The following RNF13 variants were observed in gnomAD, a reference collection of about 807,000 sequenced individuals.
The protein encoded by RNF13 is ring finger protein 13.
In RNF13, 19 loss-of-function variants were observed where a neutral mutation model predicts 37.7. That is an observed-to-expected ratio of 0.50 (90% confidence interval 0.35 to 0.74). The LOEUF (loss-of-function observed/expected upper bound fraction) is 0.74. Among genes scored for constraint, RNF13 ranks in the 30% least tolerant of loss-of-function variants. The pLI is 0.01. For synonymous variants in RNF13, 144 were observed against 157.8 expected (o/e 0.91, Z 0.65); for missense variants, 375 against 453.0 (o/e 0.83, Z 1.56).
chr3:149,913,536 A>G (rs1277956664), intron 7 of RNF13, among the ~76,000 whole-genome samples: 1 of 152,180 alleles, frequency 6.6e-6, no homozygotes, highest in East Asian at 1.9e-4. Context: ...CAGGTTTTTC[A>G]TTAATGTACT....
At chr3:149,925,104 G>C (rs150191536) in intron 8 of RNF13, among the ~76,000 whole-genome samples, 1 of 152,110 alleles carries the variant, frequency 6.6e-6, no homozygotes, top group Non-Finnish European at 1.5e-5. Flanking sequence ...AAGAACAGAG[G>C]TATAAAATAC....
intron 8 of RNF13, among the ~76,000 whole-genome samples, chr3:149,925,418 A>G (rs1409211469): frequency 6.6e-6 from 1 of 152,138 alleles, no homozygotes; most frequent in Admixed American, 6.5e-5. Flanking sequence ...GTTTATGATA[A>G]TTTCACTGCC....
At chr3:149,849,328 T>C (rs988873024) in intron 2 of RNF13, among the ~76,000 whole-genome samples, 16 of 152,206 alleles carry the variant, frequency 1.1e-4, no homozygotes, top group African/African-American at 3.9e-4. Flanking sequence ...TTGATTCTTT[T>C]GTCTGGATTT....
chr3:149,935,474 C>T lies in RNF13; in HGVS notation c.700+14247C>T, dbSNP rs557565122. ...CTTTCTTTTCTTTCTTTCTCTTTCA[C>T]CTTTCTTTATGATTGTGCAAATTTC... On this transcript the variant is annotated intron_variant, in intron 8 of 9. Coordinates refer to ENST00000392894, the MANE Select transcript of RNF13 (RefSeq NM_183381.3). Among the ~76,000 whole-genome samples the T allele has an allele frequency of 3.3e-5, 5 of 152,052 alleles. No homozygotes were observed. The South Asian group carries it at 6.2e-4, about 19-fold the overall frequency.
At chr3:149,903,107 T>C (rs1185263485) in intron 6 of RNF13, among the ~76,000 whole-genome samples, 5 of 152,154 alleles carry the variant, frequency 3.3e-5, no homozygotes, top group African/African-American at 9.6e-5. Flanking sequence ...ACTGTTATTG[T>C]TAGTTCCCCA....
intron 6 of RNF13, among the ~76,000 whole-genome samples, chr3:149,910,685 T>G (rs1470556818): frequency 6.6e-6 from 1 of 152,224 alleles, no homozygotes; most frequent in East Asian, 1.9e-4. Flanking sequence ...AATACCTGGC[T>G]TCACTACTTA....
chr3:149,954,452 A>C (rs1157016836), intron 8 of RNF13, among the ~76,000 whole-genome samples: 2 of 152,222 alleles, frequency 1.3e-5, no homozygotes, highest in Non-Finnish European at 2.9e-5. Flanking sequence ...AAAGAAAAAA[A>C]GAAACTATCA....
chr3:149,940,047 T>C (rs1173509508), intron 8 of RNF13, among the ~76,000 whole-genome samples: 1 of 152,224 alleles, frequency 6.6e-6, no homozygotes, highest in African/African-American at 2.4e-5. Context: ...ATATCTATTA[T>C]ATTTATCATT....
chr3:149,846,294 C>T (rs1722635829), intron 2 of RNF13, among the ~76,000 whole-genome samples, 154 bp downstream of exon 2: 1 of 151,954 alleles, frequency 6.6e-6, no homozygotes, highest in Admixed American at 6.6e-5. Context: ...ATTGAGGTAC[C>T]TTATTCATTT....
intron 1 of RNF13, among the ~76,000 whole-genome samples, chr3:149,842,200 G>A (rs1468819532): frequency 6.6e-6 from 1 of 151,990 alleles, no homozygotes; most frequent in African/African-American, 2.4e-5. Flanking sequence ...TGATTCCTAA[G>A]TCTCTTTTTG....
At chr3:149,884,239 A>G (rs1200108706) in intron 4 of RNF13, among the ~76,000 whole-genome samples, 1 of 152,126 alleles carries the variant, frequency 6.6e-6, no homozygotes, top group African/African-American at 2.4e-5. Context: ...TGTGGCTGGC[A>G]GTAAGTTACT....
intron 8 of RNF13, among the ~76,000 whole-genome samples, chr3:149,948,104 C>G (rs1045800194): frequency 1.3e-5 from 2 of 152,122 alleles, no homozygotes; most frequent in Non-Finnish European, 2.9e-5. Flanking sequence ...CACACGCCAC[C>G]ATGTCCAGCT....
At chr3:149,918,693 G>GT (rs71138423) in intron 7 of RNF13, among the ~76,000 whole-genome samples, 14,731 of 132,300 alleles carry the variant, frequency 0.11, 914 homozygotes, top group Middle Eastern at 0.2. Flanking sequence ...CCAGCTAATT[G>GT]TTTTTTTTTT....
chr3:149,852,561 A>G lies in RNF13; in HGVS notation c.160A>G (p.Arg54Gly). ...TCAGACATTTGATGACCTCCCTGCA[A>G]GATTTGGTTATAGACTTCCAGCTGA... ...ASQTFDDLPA[R>G]FGYRLPAEGL... The change falls in exon 3 of 10, where the codon AGA becomes GGA. Residue 54 changes from arginine to glycine, a missense_variant. By Grantham distance (125) the Arg-to-Gly change is moderately radical (BLOSUM62 -2). Transcript: ENST00000392894. 1.9e-6 allele frequency: 3 copies of G among 1,564,290 alleles called. No individual in the cohort carries two copies. Among genetic ancestry groups the G allele is most frequent in the Non-Finnish European group, 2.6e-6 (3 of 1,151,042 alleles).
intron 8 of RNF13, among the ~76,000 whole-genome samples, chr3:149,958,101 CA>C (rs879428290): frequency 3.3e-5 from 5 of 152,200 alleles, no homozygotes; most frequent in Non-Finnish European, 7.3e-5. Flanking sequence ...GATTCCAAAT[CA>C]TCAAGTCTAT....
intron 2 of RNF13, among the ~76,000 whole-genome samples, chr3:149,848,617 C>G (rs1722857503): frequency 6.6e-6 from 1 of 152,148 alleles, no homozygotes; most frequent in Admixed American, 6.5e-5. Flanking sequence ...GATTCTAGTT[C>G]CATTTGCACA....
intron 8 of RNF13, among the ~76,000 whole-genome samples, chr3:149,955,983 T>TC (rs1721825082): frequency 6.6e-6 from 1 of 152,110 alleles, no homozygotes; most frequent in South Asian, 2.1e-4. Context: ...CAAATTCAGG[T>TC]CCCCATCTAA....
intron 3 of RNF13, among the ~76,000 whole-genome samples, chr3:149,860,741 CA>C (rs1394788478): frequency 1.3e-5 from 2 of 151,980 alleles, no homozygotes. Context: ...AAAGCACAGA[CA>C]ACAAAAAGAA....
chr3:149,899,848 A>T (rs1382506167), intron 5 of RNF13, among the ~76,000 whole-genome samples: 1 of 152,242 alleles, frequency 6.6e-6, no homozygotes, highest in African/African-American at 2.4e-5. Flanking sequence ...GAAAAGAGAC[A>T]TTCAGAGTTC....
Sources: gnomAD v4.1 joint callset for allele counts (sites outside exome capture counted in the v4.1 genomes callset) on GRCh38, gnomAD v4.1.1 for gene constraint, MANE v1.5 for transcripts, NCBI Gene and HGNC (gene_info 2026-07-23, HGNC 2026-07-21) for gene names.